The following MCC variants were observed in gnomAD, a reference collection of about 807,000 sequenced individuals.
The protein encoded by MCC is MCC regulator of Wnt signaling pathway.
Under a neutral mutation model 116.2 loss-of-function variants are expected in MCC, and 90 were observed. That is an observed-to-expected ratio of 0.77 (90% CI 0.65 to 0.92). MCC has a LOEUF of 0.92. Among genes scored for constraint, MCC ranks in the 40% least tolerant of loss-of-function variants. The pLI is 0.00. For synonymous variants in MCC, 578 were observed against 510.5 expected (o/e 1.13, Z -1.78); for missense variants, 1,516 against 1,312.2 (o/e 1.16, Z -2.40).
intron 1 of MCC, among the ~76,000 whole-genome samples, chr5:113,483,896 A>G (rs1772444489): frequency 6.6e-6 from 1 of 152,174 alleles, no homozygotes; most frequent in South Asian, 2.1e-4. Context: ...CTTTGCAAGG[A>G]CATGGATGGG....
intron 16 of MCC, 153 bp downstream of exon 16, chr5:113,048,940 A>T: frequency 2.9e-6 from 2 of 694,964 alleles, no homozygotes; most frequent in South Asian, 3.5e-5. Context: ...TACACTCAAA[A>T]TGTCACCTTC....
At chr5:113,150,590 AAAG>A (rs1161032784) in intron 4 of MCC, among the ~76,000 whole-genome samples, 1 of 139,710 alleles carries the variant, frequency 7.2e-6, no homozygotes, top group Non-Finnish European at 1.6e-5. Flanking sequence ...GGAAGGCAAA[AAAG>A]AAAGGCTAAA....
At chr5:113,416,643 A>AACAGGTAATG (rs1770158185) in intron 1 of MCC, among the ~76,000 whole-genome samples, 1 of 152,318 alleles carries the variant, frequency 6.6e-6, no homozygotes, top group African/African-American at 2.4e-5. Context: ...GTTCATAAGA[A>AACAGGTAATG]ACAGGTAATG....
At chr5:113,468,371 A>T (rs1047594694) in intron 1 of MCC, among the ~76,000 whole-genome samples, 3 of 152,198 alleles carry the variant, frequency 2.0e-5, no homozygotes, top group Non-Finnish European at 4.4e-5. Context: ...TACCTAATTT[A>T]TTGAGAGTTT....
At chr5:113,477,778 GC>G in intron 1 of MCC, among the ~76,000 whole-genome samples, 1 of 152,132 alleles carries the variant, frequency 6.6e-6, no homozygotes. Flanking sequence ...AACAAAGAAA[GC>G]TTAAAGGCAA....
At chr5:113,379,118 T>A (rs1297790411) in intron 2 of MCC, among the ~76,000 whole-genome samples, 1 of 152,248 alleles carries the variant, frequency 6.6e-6, no homozygotes, top group Admixed American at 6.5e-5. Flanking sequence ...GAGGACCATA[T>A]GTCTGTCATT....
chr5:113,235,451 G>A (rs971495387), intron 3 of MCC, among the ~76,000 whole-genome samples: 1 of 152,214 alleles, frequency 6.6e-6, no homozygotes, highest in African/African-American at 2.4e-5. Context: ...AAACAAGAGA[G>A]AGGTAAATAA....
intron 3 of MCC, among the ~76,000 whole-genome samples, chr5:113,160,579 G>A (rs942505879): frequency 1.1e-4 from 16 of 152,156 alleles, no homozygotes; most frequent in African/African-American, 3.9e-4. Flanking sequence ...TCTAACCCCA[G>A]GGTCTTGTTC....
intron 5 of MCC, among the ~76,000 whole-genome samples, chr5:113,136,035 A>G (rs1019498361): frequency 1.1e-4 from 17 of 152,162 alleles, no homozygotes; most frequent in African/African-American, 4.1e-4. Flanking sequence ...ACAAAGCAAC[A>G]CTCTGTCTCA....
At chr5:113,429,590 C>T (rs1026239612) in intron 1 of MCC, among the ~76,000 whole-genome samples, 1 of 152,182 alleles carries the variant, frequency 6.6e-6, no homozygotes, top group African/African-American at 2.4e-5. Flanking sequence ...TCCTTTTTCT[C>T]AACCTCTTTT....
At chr5:113,487,322 T>C (rs1772561484) in intron 1 of MCC, among the ~76,000 whole-genome samples, 1 of 152,174 alleles carries the variant, frequency 6.6e-6, no homozygotes, top group Non-Finnish European at 1.5e-5. Context: ...TGCTCCTTCA[T>C]CCAAGGCAAT....
chr5:113,098,605 T>G (rs977034564), intron 8 of MCC, among the ~76,000 whole-genome samples: 3 of 152,170 alleles, frequency 2.0e-5, no homozygotes, highest in Admixed American at 6.5e-5. Context: ...AATAATAAAA[T>G]TGCCTGTTGC....
At chr5:113,074,952 G>A (rs1356740573) in intron 11 of MCC, among the ~76,000 whole-genome samples, 1 of 152,200 alleles carries the variant, frequency 6.6e-6, no homozygotes, top group Non-Finnish European at 1.5e-5. Context: ...TGTCTGCTCT[G>A]GCCATGCTCA....
chr5:113,457,210 G>A (rs980814549), intron 1 of MCC, among the ~76,000 whole-genome samples: 2 of 152,252 alleles, frequency 1.3e-5, no homozygotes, highest in Non-Finnish European at 2.9e-5. Context: ...TTCCAGGTGG[G>A]CCTGGGCTTG....
intron 8 of MCC, among the ~76,000 whole-genome samples, chr5:113,095,808 G>A (rs1051741447): frequency 6.6e-6 from 1 of 152,220 alleles, no homozygotes; most frequent in African/African-American, 2.4e-5. Flanking sequence ...AATCTGGGGG[G>A]TGTCTAGTCT....
chr5:113,176,860 C>T (rs748236983), intron 3 of MCC, among the ~76,000 whole-genome samples: 3 of 152,114 alleles, frequency 2.0e-5, no homozygotes, highest in Non-Finnish European at 2.9e-5. Context: ...GCCAGCATCA[C>T]CATTCTAGCT....
At chr5:113,247,124 G>A (rs1764611658) in intron 3 of MCC, among the ~76,000 whole-genome samples, 1 of 152,160 alleles carries the variant, frequency 6.6e-6, no homozygotes, top group Non-Finnish European at 1.5e-5. Flanking sequence ...CCCCTGCCCT[G>A]GAGTAGTTTA....
chr5:113,028,816 G>C (rs1461381189), intron 18 of MCC, 118 bp downstream of exon 18: 2 of 1,236,198 alleles, frequency 1.6e-6, no homozygotes, highest in African/African-American at 3.0e-5. Context: ...CCACTTTCTA[G>C]AGTTAGTTCT....
chr5:113,274,583 A>ACTC, intron 3 of MCC, among the ~76,000 whole-genome samples: 1 of 151,308 alleles, frequency 6.6e-6, no homozygotes, highest in Non-Finnish European at 1.5e-5. Flanking sequence ...CTGGTCTTGA[A>ACTC]CTCCTGACCT....
Sources: allele counts gnomAD v4.1 joint callset (sites outside exome capture counted in the v4.1 genomes callset), GRCh38; gene constraint gnomAD v4.1.1; transcripts MANE v1.5; gene names NCBI Gene and HGNC (gene_info 2026-07-23, HGNC 2026-07-21).